Variants in ZDHHC9 observed in about 807,000 individuals in gnomAD.
ZDHHC9 encodes the protein palmitoyltransferase ZDHHC9.
Under a neutral mutation model 26.6 loss-of-function variants are expected in ZDHHC9, and 3 were observed. The observed-to-expected ratio is 0.11, with a 90% CI of 0.05 to 0.29. ZDHHC9 has a LOEUF of 0.29. ZDHHC9 is among the 10% of genes least tolerant of loss of function. The probability of loss-of-function intolerance (pLI) is 1.00; values close to 1 mark genes in which losing one functional copy is unlikely to be tolerated. For missense variants in ZDHHC9, 146 were observed against 296.4 expected (o/e 0.49, Z 3.73); for synonymous variants, 111 against 109.4 (o/e 1.01, Z -0.09).
chrX:129,806,145 T>C lies in ZDHHC9; in HGVS notation c.*225A>G. On this transcript the variant is annotated 3_prime_UTR_variant, in exon 11 of 11. Coordinates refer to ENST00000357166, the MANE Select transcript of ZDHHC9 (RefSeq NM_016032.4). ...AGTGCCAGGGCCCAAGAGACCCATT[T>C]TTCCAGTTATCAGAGGTGACTGACA... 1 of 429,742 alleles carries C rather than the reference T, an allele frequency of 2.3e-6. No individual in the cohort carries two copies. The highest frequency in any genetic ancestry group is 4.1e-6 in the Non-Finnish European group (1 of 243,342). 35.4% of individuals were successfully genotyped at this position (429,742 alleles called of 1,213,427 possible).
intron 4 of ZDHHC9, among the ~76,000 whole-genome samples, chrX:129,824,847 A>G (rs1251913201): frequency 8.9e-6 from 1 of 112,532 alleles, no homozygotes; most frequent in Non-Finnish European, 1.9e-5. Flanking sequence ...AAAACAGGAA[A>G]ATACAATATA....
intron 3 of ZDHHC9, among the ~76,000 whole-genome samples, chrX:129,835,587 A>T (rs188706174): frequency 9.0e-6 from 1 of 111,468 alleles, no homozygotes; most frequent in East Asian, 2.8e-4. Context: ...GTTCGAGACC[A>T]GCCTGGCCAA....
At position 129,804,978 on chromosome X, in the gene ZDHHC9, G is replaced by A. The variant is rs1214209158; in HGVS notation, c.*1392C>T. 9.3e-6 allele frequency: 1 copy of A among 107,393 alleles called. No individual in the cohort carries two copies. Among genetic ancestry groups the A allele is most frequent in the Non-Finnish European group, 1.9e-5 (1 of 52,041 alleles). 8.9% of individuals were successfully genotyped at this position (107,393 alleles called of 1,213,427 possible). On this transcript the variant is annotated 3_prime_UTR_variant, in exon 11 of 11. Coordinates refer to ENST00000357166, the MANE Select transcript of ZDHHC9 (RefSeq NM_016032.4). Reference sequence around the variant, plus strand: ...TTAATCGCCTTCAAATAGATGAAAAGTTCTGGTTTACACTCCCCCACCGCA... The same window carrying A: ...TTAATCGCCTTCAAATAGATGAAAAATTCTGGTTTACACTCCCCCACCGCA...
Position 129,834,406 on chromosome X carries a change from G to A in ZDHHC9, c.168-5265C>T, listed in dbSNP as rs180988035. Among the ~76,000 whole-genome samples the A allele has an allele frequency of 4.2e-3, 474 of 111,885 alleles. 2 individuals carry two copies. The highest frequency in any genetic ancestry group is 0.015 in the African/African-American group (450 of 30,759). On this transcript the variant is annotated intron_variant, in intron 3 of 10. Coordinates refer to ENST00000357166, the MANE Select transcript of ZDHHC9 (RefSeq NM_016032.4). Reference sequence around the variant, plus strand: ...TCTGATGACCCTCAGAGTCTGCTGAGAGGGGAAGTTTCCCTTAACACTAAA... The same window carrying A: ...TCTGATGACCCTCAGAGTCTGCTGAAAGGGGAAGTTTCCCTTAACACTAAA...
intron 5 of ZDHHC9, among the ~76,000 whole-genome samples, chrX:129,819,368 C>T (rs916464148): frequency 9.1e-5 from 10 of 109,356 alleles, no homozygotes; most frequent in African/African-American, 3.0e-4. Context: ...TTTTAAATCA[C>T]ATTTTTTCTG....
chrX:129,810,732 A>G (rs1372212089), intron 10 of ZDHHC9, among the ~76,000 whole-genome samples, 173 bp downstream of exon 10: 1 of 112,265 alleles, frequency 8.9e-6, no homozygotes, highest in Non-Finnish European at 1.9e-5. Flanking sequence ...CAAAGAAATG[A>G]CTAAATCTTA....
Position 129,814,644 on chromosome X carries a change from C to T in ZDHHC9, c.625+14G>A. 1 of 1,210,904 alleles carries T rather than the reference C, an allele frequency of 8.3e-7. No homozygotes were observed. The highest frequency in any genetic ancestry group is 1.1e-6 in the Non-Finnish European group (1 of 895,048). On this transcript the variant is annotated intron_variant, in intron 6 of 10. Transcript: ENST00000357166. Reference sequence around the variant, plus strand: ...AGCCCCACTCCAACAACGGACACTGCCCTGTATACTCACTGAGGGCCACAT... The same window carrying T: ...AGCCCCACTCCAACAACGGACACTGTCCTGTATACTCACTGAGGGCCACAT...
chrX:129,811,661 T>C, intron 8 of ZDHHC9, 152 bp from the exon 9 acceptor site: 1 of 474,647 alleles, frequency 2.1e-6, no homozygotes, highest in South Asian at 3.7e-5. Flanking sequence ...GTTCTGGAAA[T>C]GGATGGTGGC....
intron 3 of ZDHHC9, among the ~76,000 whole-genome samples, chrX:129,840,450 G>C (rs749493802): frequency 9.0e-6 from 1 of 111,579 alleles, no homozygotes; most frequent in East Asian, 2.8e-4. Flanking sequence ...GCTTATGCCT[G>C]CCTGACTACA....
intron 3 of ZDHHC9, among the ~76,000 whole-genome samples, chrX:129,839,299 C>T (rs1471784726): frequency 9.2e-6 from 1 of 108,623 alleles, no homozygotes; most frequent in African/African-American, 3.4e-5. Flanking sequence ...CAACCTCCGC[C>T]TCCCAGGTGC....
intron 3 of ZDHHC9, among the ~76,000 whole-genome samples, chrX:129,831,063 G>C (rs985888956): frequency 1.8e-5 from 2 of 111,463 alleles, no homozygotes; most frequent in African/African-American, 6.5e-5. Flanking sequence ...GCTGAGTTCA[G>C]GGTAATTAAG....
intron 5 of ZDHHC9, among the ~76,000 whole-genome samples, chrX:129,819,530 T>C (rs181158895): frequency 5.5e-4 from 61 of 111,270 alleles, no homozygotes; most frequent in African/African-American, 1.9e-3. Context: ...ACTATAAAAA[T>C]TGTGGCATAT....
At chrX:129,820,220 C>T (rs112598421) in intron 5 of ZDHHC9, among the ~76,000 whole-genome samples, 1 of 111,083 alleles carries the variant, frequency 9.0e-6, no homozygotes, top group African/African-American at 3.3e-5. Flanking sequence ...AAAGTTTGTT[C>T]CAATTTACAC....
chrX:129,831,651 T>C (rs1488236413), intron 3 of ZDHHC9, among the ~76,000 whole-genome samples: 1 of 111,789 alleles, frequency 8.9e-6, no homozygotes, highest in Non-Finnish European at 1.9e-5. Flanking sequence ...ACTCTGTATG[T>C]CAACAAGTAC....
intron 3 of ZDHHC9, among the ~76,000 whole-genome samples, chrX:129,832,615 C>T (rs1928167171): frequency 9.1e-6 from 1 of 110,436 alleles, no homozygotes; most frequent in Non-Finnish European, 1.9e-5. Flanking sequence ...AACCCCGTCT[C>T]TACTAAAAAT....
rs1927445765 is a variant in ZDHHC9 at position 129,803,698 on chromosome X, G to C, written c.*2672C>G. On this transcript the variant is annotated 3_prime_UTR_variant, in exon 11 of 11. Coordinates refer to ENST00000357166, the MANE Select transcript of ZDHHC9 (RefSeq NM_016032.4). ...GCCAGGAAGGCCTCAGAGCTGAATGGACATGAAGAAATGGCTCACCACAGC... is the reference window on the plus strand; with the variant it reads ...GCCAGGAAGGCCTCAGAGCTGAATGCACATGAAGAAATGGCTCACCACAGC... 9.0e-6 allele frequency: 1 copy of C among 111,498 alleles called. No individual in the cohort carries two copies. Among genetic ancestry groups the C allele is most frequent in the African/African-American group, 3.3e-5 (1 of 30,600 alleles). The allele number at this position is 111,498 out of a possible 1,213,427, so 9.2% of individuals were successfully genotyped here. A position where few individuals can be genotyped will look rare whatever the true frequency, so the allele number is the denominator to read the frequency against.
At chrX:129,820,612 C>A (rs900857430) in intron 5 of ZDHHC9, among the ~76,000 whole-genome samples, 1 of 110,935 alleles carries the variant, frequency 9.0e-6, no homozygotes, top group Non-Finnish European at 1.9e-5. Context: ...ATCCTGAAAT[C>A]ATTTATTTGA....
chrX:129,826,099 C>T (rs908457640), intron 4 of ZDHHC9, among the ~76,000 whole-genome samples: 20 of 112,146 alleles, frequency 1.8e-4, no homozygotes, highest in African/African-American at 6.2e-4. Flanking sequence ...AAATATCTGC[C>T]ATATGGAACA....
rs945958633 is a variant in ZDHHC9, at chrX:129,839,355, C to T, written c.167+2424G>A. 6.4e-5 allele frequency among the ~76,000 whole-genome samples: 7 copies of T among 109,526 alleles called. No individual in the cohort carries two copies. The South Asian group carries it at 2.4e-3, about 37-fold the overall frequency. ...CCTTCCGAGTAGCTGGGACTACAGG[C>T]GCACAACAGCCACACGGGGCTAATT... On this transcript the variant is annotated intron_variant, in intron 3 of 10. Transcript: ENST00000357166.
Sources: allele counts gnomAD v4.1 joint callset (sites outside exome capture counted in the v4.1 genomes callset), GRCh38; gene constraint gnomAD v4.1.1; transcripts MANE v1.5; gene names NCBI Gene and HGNC (gene_info 2026-07-23, HGNC 2026-07-21).